Variants in SMYD3 observed in about 807,000 individuals in gnomAD.
The protein encoded by SMYD3 is SET and MYND domain containing 3.
A neutral mutation model predicts 57.7 loss-of-function variants in SMYD3; 36 were observed. The ratio of observed to expected loss-of-function variants is 0.62; its 90% CI spans 0.48 to 0.82. SMYD3 has a LOEUF of 0.82. SMYD3 is among the 40% of genes least tolerant of loss of function. The pLI is 0.00. For synonymous variants in SMYD3, 211 were observed against 195.0 expected, an observed-to-expected ratio of 1.08 and a Z score of -0.68; for missense variants, 515 against 538.8, an observed-to-expected ratio of 0.96 and a Z score of 0.44.
chr1:246,344,230 A>G (rs2065676510), intron 2 of SMYD3, among the ~76,000 whole-genome samples: 1 of 152,166 alleles, frequency 6.6e-6, no homozygotes, highest in African/African-American at 2.4e-5. Flanking sequence ...CACCAAAATT[A>G]AGCTACAGAT....
At chr1:245,953,179 G>A (rs1385770765) in intron 5 of SMYD3, 1 of 951,104 alleles carries the variant, frequency 1.1e-6, no homozygotes, top group Admixed American at 6.2e-5. Context: ...GATCTCTTTG[G>A]TCATAATATA....
At chr1:245,760,951 G>A (rs1558308248) in intron 11 of SMYD3, among the ~76,000 whole-genome samples, 1 of 152,038 alleles carries the variant, frequency 6.6e-6, no homozygotes, top group East Asian at 1.9e-4. Flanking sequence ...CAAGTCTATG[G>A]GATAGCTATC....
chr1:245,917,687 C>A (rs1186601561), intron 7 of SMYD3, among the ~76,000 whole-genome samples: 1 of 152,212 alleles, frequency 6.6e-6, no homozygotes, highest in Admixed American at 6.5e-5. Flanking sequence ...AATTCCCTTA[C>A]CTGCTCTAGT....
intron 5 of SMYD3, among the ~76,000 whole-genome samples, chr1:246,288,927 A>G (rs949069685): frequency 1.3e-5 from 2 of 152,154 alleles, no homozygotes; most frequent in African/African-American, 4.8e-5. Flanking sequence ...CAGCTTGGCC[A>G]ACATGGTGAA....
intron 10 of SMYD3, chr1:245,788,893 T>A (rs2047154403): frequency 6.6e-6 from 1 of 152,186 alleles, no homozygotes; most frequent in Admixed American, 6.5e-5. Context: ...ATGTGCCAAG[T>A]GGTGCCAGTG....
intron 5 of SMYD3, among the ~76,000 whole-genome samples, chr1:246,030,607 C>G (rs1004589413): frequency 2.0e-5 from 3 of 152,108 alleles, no homozygotes; most frequent in Admixed American, 1.3e-4. Context: ...GTATAGTGAT[C>G]ACTCTGATTT....
At chr1:246,211,949 A>G (rs1403667427) in intron 5 of SMYD3, among the ~76,000 whole-genome samples, 1 of 152,104 alleles carries the variant, frequency 6.6e-6, no homozygotes, top group Non-Finnish European at 1.5e-5. Context: ...AATACAGAAG[A>G]ATACATATTA....
chr1:246,219,832 C>T (rs547442897), intron 5 of SMYD3, among the ~76,000 whole-genome samples: 1 of 152,262 alleles, frequency 6.6e-6, no homozygotes, highest in East Asian at 1.9e-4. Flanking sequence ...CACCTGCATG[C>T]CTCCTTTCAT....
At chr1:246,122,753 C>T (rs1412205598) in intron 5 of SMYD3, among the ~76,000 whole-genome samples, 1 of 152,158 alleles carries the variant, frequency 6.6e-6, no homozygotes, top group African/African-American at 2.4e-5. Flanking sequence ...GGTGACCAGG[C>T]CGAACTCAGC....
intron 5 of SMYD3, among the ~76,000 whole-genome samples, chr1:245,971,710 A>T (rs1026622290): frequency 1.3e-5 from 2 of 152,032 alleles, no homozygotes; most frequent in African/African-American, 4.8e-5. Flanking sequence ...CATAGCAGTC[A>T]CTCAATTCAT....
At chr1:246,007,408 C>G (rs2059194096) in intron 5 of SMYD3, among the ~76,000 whole-genome samples, 1 of 152,126 alleles carries the variant, frequency 6.6e-6, no homozygotes, top group African/African-American at 2.4e-5. Context: ...AGACAACTCT[C>G]TGATCTCACC....
At chr1:246,407,858 A>G (rs1012469828) in intron 1 of SMYD3, among the ~76,000 whole-genome samples, 8 of 150,580 alleles carry the variant, frequency 5.3e-5, no homozygotes, top group Non-Finnish European at 1.2e-4. Context: ...TAAATAAATA[A>G]ATAAATAAAT....
intron 5 of SMYD3, among the ~76,000 whole-genome samples, chr1:246,002,456 T>C (rs79067701): frequency 6.1e-4 from 22 of 36,142 alleles, no homozygotes; most frequent in South Asian, 1.1e-3. Context: ...AGTGCTGGGA[T>C]TACAGGCGCC....
intron 5 of SMYD3, among the ~76,000 whole-genome samples, chr1:245,994,449 T>C (rs2058882677): frequency 6.6e-6 from 1 of 152,200 alleles, no homozygotes. Flanking sequence ...ACGTGTCGGA[T>C]GGCTAGAGAC....
intron 1 of SMYD3, among the ~76,000 whole-genome samples, chr1:246,403,381 C>T (rs1336488117): frequency 1.3e-5 from 2 of 152,004 alleles, no homozygotes; most frequent in East Asian, 3.9e-4. Flanking sequence ...GCCTGTAGCC[C>T]CAAGTACTCG....
intron 5 of SMYD3, among the ~76,000 whole-genome samples, chr1:246,215,077 T>C (rs369547467): frequency 1.3e-5 from 2 of 152,166 alleles, no homozygotes; most frequent in East Asian, 1.9e-4. Flanking sequence ...ATCACCACAA[T>C]GGCCACACGC....
Position 245,833,073 on chromosome 1 carries a change from A to AAAAAAAAAAAAAAAAAAAACACAAC in SMYD3, c.1076+25422_1076+25423insGTTGTGTTTTTTTTTTTTTTTTTTT. On this transcript the variant is annotated intron_variant, in intron 10 of 11. Transcript: ENST00000490107. ...GGAATATGTGACAAAAAAAAAAAAA[A>AAAAAAAAAAAAAAAAAAAACACAAC]AACCTGCTTTTATAATGCTGATTCA... is the stretch of plus-strand genomic sequence containing the variant. Among the ~76,000 whole-genome samples the AAAAAAAAAAAAAAAAAAAACACAAC allele has an allele frequency of 9.8e-3, 1,260 of 128,218 alleles. 75 individuals are homozygous for AAAAAAAAAAAAAAAAAAAACACAAC. Among genetic ancestry groups the AAAAAAAAAAAAAAAAAAAACACAAC allele is most frequent in the South Asian group, 0.026 (81 of 3,174 alleles). 84.1% of individuals were successfully genotyped at this position (128,218 alleles called of 152,430 possible). A position where few individuals can be genotyped will look rare whatever the true frequency, so the allele number is the denominator to read the frequency against.
At chr1:246,330,679 C>T (rs994162317) in intron 3 of SMYD3, 142 bp from the exon 4 acceptor site, 2 of 540,752 alleles carry the variant, frequency 3.7e-6, no homozygotes, top group Non-Finnish European at 6.0e-6. Context: ...TCATCACTCT[C>T]ATTAGACTGA....
chr1:245,843,245 G>A (rs1354731136), intron 10 of SMYD3, among the ~76,000 whole-genome samples: 2 of 152,112 alleles, frequency 1.3e-5, no homozygotes, highest in East Asian at 3.9e-4. Flanking sequence ...GCCCACTGGG[G>A]TAGACAGGAT....
Sources: gnomAD v4.1 joint callset for allele counts (sites outside exome capture counted in the v4.1 genomes callset) on GRCh38, gnomAD v4.1.1 for gene constraint, MANE v1.5 for transcripts, NCBI Gene and HGNC (gene_info 2026-07-23, HGNC 2026-07-21) for gene names.